Variants in INPP5A observed in about 807,000 individuals in gnomAD.
INPP5A encodes the protein 43 kDa inositol polyphosphate 5-phophatase.
Under a neutral mutation model 65.2 loss-of-function variants are expected in INPP5A, and 14 were observed. The observed-to-expected ratio is 0.21, with a 90% CI of 0.14 to 0.34. The LOEUF (loss-of-function observed/expected upper bound fraction) is 0.34. Ranked by LOEUF, INPP5A falls within the 10% of genes least tolerant of loss-of-function variation. INPP5A has a pLI of 1.00. For synonymous variants in INPP5A, 207 were observed against 208.3 expected (o/e 0.99, Z 0.05); for missense variants, 431 against 545.6 (o/e 0.79, Z 2.09).
chr10:132,653,673 A>C (rs934694681), intron 4 of INPP5A, among the ~76,000 whole-genome samples: 1 of 152,280 alleles, frequency 6.6e-6, no homozygotes, highest in African/African-American at 2.4e-5. Flanking sequence ...GAAAAGTCTC[A>C]AATATTTGGA....
intron 4 of INPP5A, among the ~76,000 whole-genome samples, chr10:132,656,413 C>T (rs576422655): frequency 6.6e-5 from 10 of 152,340 alleles, no homozygotes; most frequent in South Asian, 4.1e-4. Flanking sequence ...TGTGGCCTGG[C>T]GGACACACTG....
rs1009709546 is a variant in INPP5A at position 132,659,315 on chromosome 10, G to A, written c.306+8810G>A. ...GGAAGGGTCCAGAACTGGAAAGATG[G>A]AGAGCTGCCATTGGCCCGTAGCTCT... On this transcript the variant is annotated intron_variant, in intron 4 of 15. Coordinates refer to ENST00000368594, the MANE Select transcript of INPP5A (RefSeq NM_005539.5). This position sits in a 1 kb window ranked among gnomAD's most constrained non-coding sequence, Gnocchi z 5.5. Among the ~76,000 whole-genome samples, 1 of 152,192 alleles carries A rather than the reference G, an allele frequency of 6.6e-6. No homozygotes were observed. Among genetic ancestry groups the A allele is most frequent in the African/African-American group, 2.4e-5 (1 of 41,452 alleles).
At chr10:132,570,991 C>T (rs2133283944) in intron 1 of INPP5A, among the ~76,000 whole-genome samples, 1 of 152,380 alleles carries the variant, frequency 6.6e-6, no homozygotes, top group East Asian at 1.9e-4. Context: ...AAACGAGGCA[C>T]TCCCTCCCCA....
At chr10:132,683,203 C>T (rs2073073317) in intron 4 of INPP5A, among the ~76,000 whole-genome samples, 1 of 139,428 alleles carries the variant, frequency 7.2e-6, no homozygotes, top group African/African-American at 2.7e-5. Context: ...CACGTATTAT[C>T]CTATGTGGAG....
Position 132,663,705 on chromosome 10 carries a change from C to T in INPP5A, c.306+13200C>T, listed in dbSNP as rs1262929493. On this transcript the variant is annotated intron_variant, in intron 4 of 15. Coordinates refer to ENST00000368594, the MANE Select transcript of INPP5A (RefSeq NM_005539.5). This position sits in a 1 kb window ranked among gnomAD's most constrained non-coding sequence, Gnocchi z 4.5. ...AGTCTGTGCCTGTGGCAGCCGTCTG[C>T]ATGACTTTGGGTCATTGCGCTTTCC... is the stretch of plus-strand genomic sequence containing the variant. 2.6e-5 allele frequency among the ~76,000 whole-genome samples: 4 copies of T among 152,208 alleles called. No individual in the cohort carries two copies. The highest frequency in any genetic ancestry group is 2.6e-4 in the Admixed American group (4 of 15,286).
intron 1 of INPP5A, among the ~76,000 whole-genome samples, chr10:132,591,534 A>G (rs576298278): frequency 1.3e-5 from 2 of 152,354 alleles, no homozygotes; most frequent in South Asian, 4.1e-4. Context: ...TTTCTCTTAC[A>G]CAATGTTCAC....
At chr10:132,605,613 C>T (rs1411280521) in intron 1 of INPP5A, among the ~76,000 whole-genome samples, 1 of 151,864 alleles carries the variant, frequency 6.6e-6, no homozygotes, top group Non-Finnish European at 1.5e-5. Context: ...GCCCAGGAGG[C>T]CCTGGGAGCT....
chr10:132,706,479 G>A lies in INPP5A; in HGVS notation c.475-1834G>A, dbSNP rs1164831148. On this transcript the variant is annotated intron_variant, in intron 6 of 15. Transcript: ENST00000368594. The surrounding 1 kb of genome is among the most constrained non-coding windows in gnomAD (Gnocchi z 4.7). Reference sequence around the variant, plus strand: ...AGAAAAACTTTAAAACAGCCAGAGAGAGGAAAACATACATTCAGAGGATTC... The same window carrying A: ...AGAAAAACTTTAAAACAGCCAGAGAAAGGAAAACATACATTCAGAGGATTC... 6.6e-6 allele frequency among the ~76,000 whole-genome samples: 1 copy of A among 152,262 alleles called. No homozygotes were observed. Among genetic ancestry groups the A allele is most frequent in the Non-Finnish European group, 1.5e-5 (1 of 68,052 alleles).
chr10:132,647,278 G>C (rs2072510382), intron 3 of INPP5A, among the ~76,000 whole-genome samples: 2 of 151,942 alleles, frequency 1.3e-5, no homozygotes, highest in Admixed American at 1.3e-4. Context: ...ACCACACCCA[G>C]CTAATTTTTT....
chr10:132,613,241 G>A (rs909008424), intron 2 of INPP5A, among the ~76,000 whole-genome samples: 6 of 152,114 alleles, frequency 3.9e-5, no homozygotes, highest in South Asian at 2.1e-4. Flanking sequence ...CCCCTGGAAC[G>A]CCACGGCCCA....
chr10:132,687,124 T>C (rs1845147974), intron 4 of INPP5A, among the ~76,000 whole-genome samples: 1 of 152,210 alleles, frequency 6.6e-6, no homozygotes, highest in South Asian at 2.1e-4. Context: ...TTTGTACTTT[T>C]AGTAAAGACG....
At chr10:132,645,730 C>T (rs2072484632) in intron 2 of INPP5A, 138 bp from the exon 3 acceptor site, 1 of 609,896 alleles carries the variant, frequency 1.6e-6, no homozygotes, top group Non-Finnish European at 3.0e-6. Context: ...TGTCCAGAAC[C>T]CATGGTCGCA....
At chr10:132,579,251 G>A (rs1173535875) in intron 1 of INPP5A, among the ~76,000 whole-genome samples, 6 of 152,060 alleles carry the variant, frequency 3.9e-5, no homozygotes, top group South Asian at 4.1e-4. Context: ...GGAGGGGACC[G>A]CGGGGCGGGG....
chr10:132,751,934 C>T (rs1482165368), intron 11 of INPP5A, among the ~76,000 whole-genome samples: 1 of 126,158 alleles, frequency 7.9e-6, no homozygotes, highest in African/African-American at 2.6e-5. Context: ...TGGGTAGAGG[C>T]GGGTGCCCAG....
chr10:132,722,164 A>G (rs1845896920), intron 8 of INPP5A, among the ~76,000 whole-genome samples: 1 of 152,208 alleles, frequency 6.6e-6, no homozygotes, highest in African/African-American at 2.4e-5. Flanking sequence ...TGATCAGAGA[A>G]TGTGGTCTCT....
chr10:132,673,872 G>A (rs760771697), intron 4 of INPP5A, among the ~76,000 whole-genome samples: 3 of 152,386 alleles, frequency 2.0e-5, no homozygotes, highest in Non-Finnish European at 4.4e-5. Flanking sequence ...GCCATATCAA[G>A]GACTCAGTGT....
In INPP5A at chr10:132,704,027, GGCTTCACCCCCACACACACGCA is replaced by G. The variant is rs1289307120; in HGVS notation, c.475-4276_475-4255del. Among the ~76,000 whole-genome samples, 2 of 133,274 alleles carry G rather than the reference GGCTTCACCCCCACACACACGCA, an allele frequency of 1.5e-5. No individual in the cohort carries two copies. Among genetic ancestry groups the G allele is most frequent in the Non-Finnish European group, 3.2e-5 (2 of 61,756 alleles). 87.4% of individuals were successfully genotyped at this position (133,274 alleles called of 152,430 possible). A position where few individuals can be genotyped will look rare whatever the true frequency, so the allele number is the denominator to read the frequency against. On this transcript the variant is annotated intron_variant, in intron 6 of 15. Coordinates refer to ENST00000368594, the MANE Select transcript of INPP5A (RefSeq NM_005539.5). The surrounding 1 kb of genome is among the most constrained non-coding windows in gnomAD (Gnocchi z 4.5). Reference sequence around the variant, plus strand: ...CGGCTTCACCCCCCCACACACGCGTGGCTTCACCCCCACACACACGCAGCTTCACCCGCATGGGTTCTGAAGG... The same window carrying G: ...CGGCTTCACCCCCCCACACACGCGTGGCTTCACCCGCATGGGTTCTGAAGG...
chr10:132,640,918 T>G (rs1238078978), intron 2 of INPP5A, among the ~76,000 whole-genome samples: 3 of 152,174 alleles, frequency 2.0e-5, no homozygotes, highest in Admixed American at 1.3e-4. Flanking sequence ...TTTCCTGGAA[T>G]CGGCCTCCGT....
chr10:132,613,610 AGT>A (rs1375222142), intron 2 of INPP5A, among the ~76,000 whole-genome samples: 2 of 152,230 alleles, frequency 1.3e-5, no homozygotes, highest in African/African-American at 4.8e-5. Flanking sequence ...AATTCTCAAA[AGT>A]GAGATTTCAG....
Sources: allele counts gnomAD v4.1 joint callset (sites outside exome capture counted in the v4.1 genomes callset), GRCh38; gene constraint gnomAD v4.1.1; non-coding constraint Gnocchi (gnomAD v3.1); transcripts MANE v1.5; gene names NCBI Gene and HGNC (gene_info 2026-07-23, HGNC 2026-07-21).